The following MEI4 variants were observed in gnomAD, a reference collection of about 807,000 sequenced individuals.
MEI4 encodes the protein meiosis-specific protein MEI4.
In MEI4, 27 loss-of-function variants were observed where a neutral mutation model predicts 31.4. The ratio of observed to expected loss-of-function variants is 0.86; its 90% CI spans 0.63 to 1.19. The LOEUF is 1.19. Among genes scored for constraint, MEI4 ranks in the 50% most tolerant of loss-of-function variants. The pLI is 0.00. For synonymous variants in MEI4, 122 were observed against 145.4 expected (o/e 0.84, Z 1.16); for missense variants, 329 against 398.9 (o/e 0.82, Z 1.49).
intron 3 of MEI4, among the ~76,000 whole-genome samples, chr6:77,798,466 A>G (rs1246954984): frequency 1.3e-5 from 2 of 148,862 alleles, no homozygotes; most frequent in Non-Finnish European, 3.0e-5. Context: ...TTTATAGATG[A>G]GGCACTTTAT....
chr6:77,716,301 G>A (rs147781945), intron 2 of MEI4, among the ~76,000 whole-genome samples: 5 of 152,274 alleles, frequency 3.3e-5, no homozygotes, highest in Non-Finnish European at 7.4e-5. Flanking sequence ...TAGTCAATCA[G>A]GATAGCTGAG....
chr6:77,903,864 T>A (rs1377706628), intron 4 of MEI4, among the ~76,000 whole-genome samples: 1 of 152,162 alleles, frequency 6.6e-6, no homozygotes, highest in Non-Finnish European at 1.5e-5. Context: ...ATATATAGTA[T>A]AGCTACCCTT....
At chr6:77,833,830 C>T (rs183338290) in intron 4 of MEI4, among the ~76,000 whole-genome samples, 12 of 152,286 alleles carry the variant, frequency 7.9e-5, no homozygotes, top group Non-Finnish European at 1.5e-4. Context: ...GTTCCCCTCC[C>T]TGGGTCCATG....
chr6:77,752,351 A>AT (rs1404137804), intron 2 of MEI4, among the ~76,000 whole-genome samples: 1 of 152,198 alleles, frequency 6.6e-6, no homozygotes, highest in African/African-American at 2.4e-5. Context: ...AGATGACGTG[A>AT]TTGTATATTT....
intron 4 of MEI4, among the ~76,000 whole-genome samples, chr6:77,901,373 A>G (rs568120635): frequency 3.5e-4 from 53 of 152,040 alleles, no homozygotes; most frequent in African/African-American, 1.3e-3. Flanking sequence ...CCTCACCAAC[A>G]GTTATCTCTA....
intron 2 of MEI4, among the ~76,000 whole-genome samples, chr6:77,700,442 A>T (rs562516784): frequency 2.0e-5 from 3 of 151,706 alleles, no homozygotes; most frequent in Admixed American, 2.0e-4. Context: ...AGCCCGTTGG[A>T]AAAGCGCAGT....
chr6:77,822,011 A>T (rs1189453435), intron 3 of MEI4, among the ~76,000 whole-genome samples: 1 of 152,126 alleles, frequency 6.6e-6, no homozygotes, highest in Non-Finnish European at 1.5e-5. Context: ...TTGCCAGCAG[A>T]GCAACCCCAG....
intron 2 of MEI4, among the ~76,000 whole-genome samples, chr6:77,750,124 T>C (rs1261774972): frequency 1.3e-5 from 2 of 152,168 alleles, no homozygotes; most frequent in Non-Finnish European, 2.9e-5. Flanking sequence ...AATGAAGCGC[T>C]AAACATGGAA....
intron 2 of MEI4, among the ~76,000 whole-genome samples, chr6:77,737,638 C>T (rs1000524762): frequency 2.0e-5 from 3 of 151,898 alleles, no homozygotes; most frequent in Non-Finnish European, 2.9e-5. Flanking sequence ...TGAATGATAA[C>T]ATGGAATAAA....
intron 1 of MEI4, among the ~76,000 whole-genome samples, chr6:77,689,170 AC>A (rs1437469238): frequency 3.3e-5 from 5 of 152,036 alleles, no homozygotes; most frequent in African/African-American, 1.2e-4. Flanking sequence ...CTTTCTATTT[AC>A]TTTTTTTATC....
At chr6:77,802,026 G>T (rs1582162063) in intron 3 of MEI4, among the ~76,000 whole-genome samples, 1 of 152,238 alleles carries the variant, frequency 6.6e-6, no homozygotes, top group Non-Finnish European at 1.5e-5. Context: ...GGATATCCTT[G>T]TTAACTTTCT....
intron 4 of MEI4, among the ~76,000 whole-genome samples, chr6:77,893,484 C>T (rs1766011551): frequency 1.3e-5 from 2 of 152,250 alleles, no homozygotes; most frequent in East Asian, 1.9e-4. Flanking sequence ...TGGACATAAC[C>T]GTCTTATAGA....
At chr6:77,808,212 T>G (rs529660434) in intron 3 of MEI4, among the ~76,000 whole-genome samples, 5 of 152,314 alleles carry the variant, frequency 3.3e-5, no homozygotes, top group Admixed American at 2.0e-4. Flanking sequence ...CAGCCTACTT[T>G]TAGATCATAG....
intron 3 of MEI4, among the ~76,000 whole-genome samples, chr6:77,790,177 C>G (rs1411769031): frequency 6.8e-6 from 1 of 147,884 alleles, no homozygotes; most frequent in African/African-American, 2.5e-5. Context: ...ACCGCATGTT[C>G]TCACTCACAG....
upstream of MEI4, among the ~76,000 whole-genome samples, chr6:77,650,810 G>A: frequency 6.6e-6 from 1 of 152,194 alleles, no homozygotes; most frequent in Non-Finnish European, 1.5e-5. Context: ...ACACCTGTGT[G>A]GATTTCTGTG....
rs139601057 is a variant in MEI4, at chr6:77,868,186, T to G, written c.900+39124T>G. Among the ~76,000 whole-genome samples, 1,294 of 150,984 alleles carry G rather than the reference T, an allele frequency of 8.6e-3. 14 individuals carry two copies. The highest frequency in any genetic ancestry group is 0.029 in the African/African-American group (1,201 of 40,986). ...ATACATATGTAACTAACCTGCACAT[T>G]GTACACATGTACCCTTAAAGCATAA... On this transcript the variant is annotated intron_variant, in intron 4 of 4. Transcript: ENST00000684080.
At chr6:77,917,016 C>G (rs1029396810) in intron 4 of MEI4, among the ~76,000 whole-genome samples, 21 of 147,578 alleles carry the variant, frequency 1.4e-4, no homozygotes, top group African/African-American at 5.2e-4. Context: ...TGAGAATATG[C>G]GGTGTTTGGT....
intron 4 of MEI4, among the ~76,000 whole-genome samples, chr6:77,875,903 A>G (rs1466073065): frequency 5.3e-5 from 8 of 152,144 alleles, no homozygotes; most frequent in Non-Finnish European, 1.0e-4. Flanking sequence ...TATTTTTTTG[A>G]CAAAGAAATT....
intron 4 of MEI4, among the ~76,000 whole-genome samples, chr6:77,882,522 C>G (rs973278040): frequency 2.6e-5 from 4 of 152,134 alleles, no homozygotes; most frequent in African/African-American, 9.7e-5. Flanking sequence ...CCTTTGCTCT[C>G]AATTTTCACT....
Sources: allele counts gnomAD v4.1 joint callset (sites outside exome capture counted in the v4.1 genomes callset), GRCh38; gene constraint gnomAD v4.1.1; transcripts MANE v1.5; gene names NCBI Gene and HGNC (gene_info 2026-07-23, HGNC 2026-07-21).